The following ACTR3C variants were observed in gnomAD, a reference collection of about 807,000 sequenced individuals.
ACTR3C encodes the protein actin-related protein 3C.
In ACTR3C, 18 loss-of-function variants were observed where a neutral mutation model predicts 26.3. The ratio of observed to expected loss-of-function variants is 0.68; its 90% confidence interval spans 0.47 to 1.01. The LOEUF (loss-of-function observed/expected upper bound fraction) is 1.01, where lower values mean the gene tolerates loss of function less well. ACTR3C is among the 50% of genes least tolerant of loss of function. ACTR3C has a pLI of 0.00. For missense variants in ACTR3C, 184 were observed against 250.7 expected (o/e 0.73, Z 1.80); for synonymous variants, 55 against 94.5 (o/e 0.58, Z 2.42).
the ACTR3C span, among the ~76,000 whole-genome samples, chr7:150,083,597 C>T: frequency 4.6e-5 from 7 of 152,154 alleles, no homozygotes; most frequent in Non-Finnish European, 7.3e-5. Flanking sequence ...ACTATAGTCA[C>T]CCTACTGTGC....
the ACTR3C span, among the ~76,000 whole-genome samples, chr7:150,037,108 G>C: frequency 4.4e-5 from 3 of 67,632 alleles, no homozygotes; most frequent in Admixed American, 1.3e-4. Context: ...TAAGAGCCAG[G>C]GGGGGAAGAG....
the ACTR3C span, among the ~76,000 whole-genome samples, chr7:149,918,379 A>G: frequency 2.0e-5 from 3 of 152,182 alleles, no homozygotes; most frequent in Non-Finnish European, 4.4e-5. Context: ...ATTTTTAAGC[A>G]ATTATTTTAA....
At chr7:150,251,908 C>G (rs1398780523) in intron 6 of ACTR3C, among the ~76,000 whole-genome samples, 1 of 152,042 alleles carries the variant, frequency 6.6e-6, no homozygotes, top group Admixed American at 6.6e-5. Flanking sequence ...AAATATAAAG[C>G]AAGGTTATAA....
intron 1 of ACTR3C, among the ~76,000 whole-genome samples, chr7:150,306,473 G>A (rs1795813415): frequency 6.6e-6 from 1 of 152,158 alleles, no homozygotes; most frequent in South Asian, 2.1e-4. Flanking sequence ...AATCTGACAG[G>A]TGGGAATCTG....
chr7:150,078,438 C>T, the ACTR3C span, among the ~76,000 whole-genome samples: 1 of 149,164 alleles, frequency 6.7e-6, no homozygotes, highest in South Asian at 2.2e-4. Context: ...TTTTCCATCA[C>T]AAAATAATTA....
the ACTR3C span, among the ~76,000 whole-genome samples, chr7:150,139,689 A>C: frequency 1.3e-5 from 2 of 152,288 alleles, no homozygotes; most frequent in Admixed American, 1.3e-4. Flanking sequence ...AAAGCCGGGC[A>C]TGGCTTTCCA....
At chr7:149,929,199 G>C in the ACTR3C span, among the ~76,000 whole-genome samples, 121 of 152,136 alleles carry the variant, frequency 8.0e-4, 1 homozygote, top group Middle Eastern at 3.4e-3. Flanking sequence ...AGGCCAAGGC[G>C]GGTGGATTGC....
At chr7:150,229,729 C>A in the ACTR3C span, among the ~76,000 whole-genome samples, 6 of 149,672 alleles carry the variant, frequency 4.0e-5, no homozygotes, top group African/African-American at 1.5e-4. Flanking sequence ...ACTCCAACCT[C>A]AGGTAATCCA....
At chr7:150,077,506 G>A in the ACTR3C span, among the ~76,000 whole-genome samples, 1 of 152,086 alleles carries the variant, frequency 6.6e-6, no homozygotes, top group Non-Finnish European at 1.5e-5. Context: ...AGGTGTCCTG[G>A]ACTCACTAAA....
chr7:149,990,039 C>T, the ACTR3C span, among the ~76,000 whole-genome samples: 162 of 152,202 alleles, frequency 1.1e-3, 2 homozygotes, highest in African/African-American at 1.2e-3. Context: ...CCCTCACTTC[C>T]GGAGGCCCCT....
the ACTR3C span, among the ~76,000 whole-genome samples, chr7:150,141,299 T>C: frequency 6.6e-6 from 1 of 152,190 alleles, no homozygotes; most frequent in African/African-American, 2.4e-5. Context: ...CTCCTAAGAA[T>C]GCAATTAGGG....
chr7:150,200,558 C>T, the ACTR3C span, among the ~76,000 whole-genome samples: 1 of 152,146 alleles, frequency 6.6e-6, no homozygotes, highest in South Asian at 2.1e-4. Context: ...TAGATCAAAA[C>T]CACACTGAGA....
At chr7:150,280,729 C>G (rs1326346419) in intron 6 of ACTR3C, among the ~76,000 whole-genome samples, 1 of 151,832 alleles carries the variant, frequency 6.6e-6, no homozygotes, top group Non-Finnish European at 1.5e-5. Flanking sequence ...GTAAGCATTC[C>G]ACGATGTACA....
the ACTR3C span, among the ~76,000 whole-genome samples, chr7:150,117,292 G>A: frequency 6.6e-6 from 1 of 152,208 alleles, no homozygotes; most frequent in Non-Finnish European, 1.5e-5. Flanking sequence ...TTGCTCAGCG[G>A]AGCCCATCTC....
At chr7:150,113,379 T>A in the ACTR3C span, among the ~76,000 whole-genome samples, 1 of 152,182 alleles carries the variant, frequency 6.6e-6, no homozygotes, top group Non-Finnish European at 1.5e-5. Flanking sequence ...TGAGGGGGAA[T>A]AAGCTTCCAA....
the ACTR3C span, among the ~76,000 whole-genome samples, chr7:150,180,119 C>T: frequency 6.6e-6 from 1 of 150,760 alleles, no homozygotes; most frequent in African/African-American, 2.5e-5. Context: ...TCCTGGCTAA[C>T]ACGGTGAAAC....
At chr7:150,112,263 C>A in the ACTR3C span, among the ~76,000 whole-genome samples, 1 of 152,082 alleles carries the variant, frequency 6.6e-6, no homozygotes, top group Non-Finnish European at 1.5e-5. Flanking sequence ...GGCCCCTCTC[C>A]CTCAAAAAAG....
the ACTR3C span, among the ~76,000 whole-genome samples, chr7:150,081,497 T>C: frequency 6.6e-6 from 1 of 151,366 alleles, no homozygotes; most frequent in Non-Finnish European, 1.5e-5. Flanking sequence ...CTGTTAGGAA[T>C]AGCCAGTCAT....
chr7:149,971,755 G>T, the ACTR3C span, among the ~76,000 whole-genome samples: 6 of 152,166 alleles, frequency 3.9e-5, no homozygotes, highest in South Asian at 1.2e-3. Flanking sequence ...TTACCCTTTC[G>T]TGTGCCCTGA....
Sources: allele counts gnomAD v4.1 joint callset (sites outside exome capture counted in the v4.1 genomes callset), GRCh38; gene constraint gnomAD v4.1.1; transcripts MANE v1.5; gene names NCBI Gene and HGNC (gene_info 2026-07-23, HGNC 2026-07-21).